EMC4: variants seen among roughly 807,000 people sequenced by gnomAD.
EMC4 encodes the protein ER membrane protein complex subunit 4, also known as cell proliferation-inducing gene 17 protein.
EMC4 carries 9 observed loss-of-function variants against 24.2 expected under a neutral mutation model. The ratio of observed to expected loss-of-function variants is 0.37; its 90% CI spans 0.22 to 0.65. The LOEUF is 0.65. Among genes scored for constraint, EMC4 ranks in the 30% least tolerant of loss-of-function variants. EMC4 has a pLI of 0.59. For synonymous variants in EMC4, 86 were observed against 81.1 expected, an observed-to-expected ratio of 1.06 and a Z score of -0.32; for missense variants, 169 against 234.6, an observed-to-expected ratio of 0.72 and a Z score of 1.83.
rs779237261 is a variant in EMC4, at chr15:34,225,549, C to T, written c.100C>T (p.Arg34Trp). The change falls in exon 2 of 5, where the codon CGG (arginine) becomes TGG (tryptophan). Residue 34 changes from arginine (R) to tryptophan (W), a missense_variant. Arg to Trp is a moderately radical substitution (Grantham distance 101, BLOSUM62 -3). Transcript: ENST00000267750. Reference protein sequence around the residue: ...PGGGSRGRSDRGSGQGDSLYP... With the variant: ...PGGGSRGRSDWGSGQGDSLYP... Reference sequence around the variant, plus strand: ...TTGGTTTTTTAGGGGTCGAAGTGACCGGGGCAGTGGCCAGGGAGACTCGCT... The same window carrying T: ...TTGGTTTTTTAGGGGTCGAAGTGACTGGGGCAGTGGCCAGGGAGACTCGCT... The T allele has an allele frequency of 5.6e-6, 9 of 1,613,848 alleles. No homozygotes were observed. Among genetic ancestry groups the T allele is most frequent in the African/African-American group, 1.3e-5 (1 of 75,002 alleles).
rs777177806 is a variant in EMC4, at chr15:34,229,732, ATTCTTTC to A, written c.517-18_517-12del. 2.6e-5 allele frequency: 36 copies of A among 1,409,044 alleles called. 1 individual carries two copies. The South Asian group carries it at 4.3e-4, about 17-fold the overall frequency. The allele number at this position is 1,409,044 out of a possible 1,614,324, so 87.3% of individuals were successfully genotyped here. A position where few individuals can be genotyped will look rare whatever the true frequency, so the allele number is the denominator to read the frequency against. On this transcript the variant is annotated splice_polypyrimidine_tract_variant and intron_variant, in intron 4 of 4. Coordinates refer to ENST00000267750, the MANE Select transcript of EMC4 (RefSeq NM_016454.4). ...ACACTCATTTGCCACTCACCTATTT[ATTCTTTC>A]TTTCTTCTTTCAGAGAATGGAGTTC...
At chr15:34,226,102 G>C (rs563398256) in intron 2 of EMC4, 9 of 317,336 alleles carry the variant, frequency 2.8e-5, no homozygotes, top group Non-Finnish European at 4.4e-5. Context: ...ATGTTTGCCA[G>C]GCTGGTCTTG....
In EMC4 at chr15:34,229,924, G is replaced by A; in HGVS notation, c.*136G>A. The A allele has an allele frequency of 2.5e-6, 2 of 799,572 alleles. No homozygotes were observed. The highest frequency in any genetic ancestry group is 4.3e-6 in the Non-Finnish European group (2 of 465,244). 49.5% of individuals were successfully genotyped at this position (799,572 alleles called of 1,614,324 possible). ...ACCAAAAGACTCTTTTCTCCATGGT[G>A]GGGTGACAGGTCCTAGAAGGACAAT... On this transcript the variant is annotated 3_prime_UTR_variant, in exon 5 of 5. Transcript: ENST00000267750.
chr15:34,225,054 G>C lies in EMC4; in HGVS notation c.-61G>C. The C allele has an allele frequency of 3.0e-6, 4 of 1,347,862 alleles. No individual in the cohort carries two copies. Among genetic ancestry groups the C allele is most frequent in the Non-Finnish European group, 4.2e-6 (4 of 960,964 alleles). 83.5% of individuals were successfully genotyped at this position (1,347,862 alleles called of 1,614,324 possible). On this transcript the variant is annotated 5_prime_UTR_variant, in exon 1 of 5. Transcript: ENST00000267750. Reference sequence around the variant, plus strand: ...GAGACAAAGCGGAGAACGCTGGTGGGCCTGTTGTGGAGTACGCTTTGGACT... The same window carrying C: ...GAGACAAAGCGGAGAACGCTGGTGGCCCTGTTGTGGAGTACGCTTTGGACT...
In EMC4 at chr15:34,229,809, G is replaced by T. The variant is rs956657172; in HGVS notation, c.*21G>T. The T allele has an allele frequency of 6.8e-6, 11 of 1,612,212 alleles. No individual in the cohort carries two copies. The Admixed American group carries it at 1.7e-4, about 24-fold the overall frequency. ...TGTGAACATGAGAAAGCAGCGCCTGGTCCCTATGTATTTGGGTCTTATTTA... is the reference window on the plus strand; with the variant it reads ...TGTGAACATGAGAAAGCAGCGCCTGTTCCCTATGTATTTGGGTCTTATTTA... On this transcript the variant is annotated 3_prime_UTR_variant, in exon 5 of 5. Transcript: ENST00000267750.
At chr15:34,226,071 T>C (rs1890643278) in intron 2 of EMC4, 1 of 349,118 alleles carries the variant, frequency 2.9e-6, no homozygotes, top group Non-Finnish European at 5.6e-6. Context: ...TTTGTATTTT[T>C]AGTACAGACA....
chr15:34,229,142 G>A (rs1890755642), intron 4 of EMC4: 1 of 152,970 alleles, frequency 6.5e-6, no homozygotes, highest in Non-Finnish European at 1.5e-5. Flanking sequence ...CCGCCCCCCA[G>A]GTTCAAGCGA....
rs1387229189 is a variant in EMC4 at position 34,225,054 on chromosome 15, G to T, written c.-61G>T. On this transcript the variant is annotated 5_prime_UTR_variant, in exon 1 of 5. Transcript: ENST00000267750. ...GAGACAAAGCGGAGAACGCTGGTGG[G>T]CCTGTTGTGGAGTACGCTTTGGACT... 9 of 1,347,746 alleles carry T rather than the reference G, an allele frequency of 6.7e-6. No individual in the cohort carries two copies. Among genetic ancestry groups the T allele is most frequent in the East Asian group, 5.0e-5 (2 of 40,052 alleles). 83.5% of individuals were successfully genotyped at this position (1,347,746 alleles called of 1,614,324 possible). A position where few individuals can be genotyped will look rare whatever the true frequency, so the allele number is the denominator to read the frequency against.
chr15:34,225,048 T>C lies in EMC4; in HGVS notation c.-67T>C, dbSNP rs534243691. 2.3e-6 allele frequency: 3 copies of C among 1,297,210 alleles called. No homozygotes were observed. Among genetic ancestry groups the C allele is most frequent in the African/African-American group, 1.5e-5 (1 of 68,252 alleles). 80.4% of individuals were successfully genotyped at this position (1,297,210 alleles called of 1,614,324 possible). The stretch of plus-strand genomic sequence containing the variant: ...CAGAGTGAGACAAAGCGGAGAACGC[T>C]GGTGGGCCTGTTGTGGAGTACGCTT... On this transcript the variant is annotated 5_prime_UTR_variant, in exon 1 of 5. Transcript: ENST00000267750.
chr15:34,227,560 G>T, intron 2 of EMC4, 133 bp from the exon 3 acceptor site: 1 of 899,014 alleles, frequency 1.1e-6, no homozygotes, highest in Non-Finnish European at 1.7e-6. Context: ...GGAAGAGGTC[G>T]TAGAATTGAG....
In EMC4 at chr15:34,225,059, T is replaced by C. The variant is rs2140590105; in HGVS notation, c.-56T>C. 4 of 1,414,602 alleles carry C rather than the reference T, an allele frequency of 2.8e-6. No homozygotes were observed. The highest frequency in any genetic ancestry group is 2.5e-5 in the East Asian group (1 of 40,366). The allele number at this position is 1,414,602 out of a possible 1,614,324, so 87.6% of individuals were successfully genotyped here. A position where few individuals can be genotyped will look rare whatever the true frequency, so the allele number is the denominator to read the frequency against. ...AAAGCGGAGAACGCTGGTGGGCCTGTTGTGGAGTACGCTTTGGACTGAGAA... is the reference window on the plus strand; with the variant it reads ...AAAGCGGAGAACGCTGGTGGGCCTGCTGTGGAGTACGCTTTGGACTGAGAA... On this transcript the variant is annotated 5_prime_UTR_variant, in exon 1 of 5. Transcript: ENST00000267750.
rs925500885 is a variant in EMC4 at position 34,229,901 on chromosome 15, C to A, written c.*113C>A. ...ACTAATCACTTATGTTAAAAAGAAC[C>A]AAAAGACTCTTTTCTCCATGGTGGG... On this transcript the variant is annotated 3_prime_UTR_variant, in exon 5 of 5. Coordinates refer to ENST00000267750, the MANE Select transcript of EMC4 (RefSeq NM_016454.4). 4.0e-6 allele frequency: 4 copies of A among 1,003,338 alleles called. No homozygotes were observed. The Admixed American group carries it at 5.7e-5, about 14-fold the overall frequency. The allele number at this position is 1,003,338 out of a possible 1,614,324, so 62.2% of individuals were successfully genotyped here. A position where few individuals can be genotyped will look rare whatever the true frequency, so the allele number is the denominator to read the frequency against.
Position 34,225,093 on chromosome 15 carries a change from G to C in EMC4, c.-22G>C. ...ACGCTTTGGACTGAGAAGCATCGAGGCTATAGGACGCAGCTGTTGCCATGA... is the reference window on the plus strand; with the variant it reads ...ACGCTTTGGACTGAGAAGCATCGAGCCTATAGGACGCAGCTGTTGCCATGA... On this transcript the variant is annotated 5_prime_UTR_variant, in exon 1 of 5. Transcript: ENST00000267750. 6.5e-7 allele frequency: 1 copy of C among 1,547,874 alleles called. No individual in the cohort carries two copies. The highest frequency in any genetic ancestry group is 8.7e-7 in the Non-Finnish European group (1 of 1,143,498).
intron 1 of EMC4, 127 bp from the exon 2 acceptor site, chr15:34,225,409 C>G: frequency 1.2e-6 from 1 of 837,724 alleles, no homozygotes; most frequent in South Asian, 1.6e-5. Flanking sequence ...GAGGAACATA[C>G]GAGGGGGCTT....
At chr15:34,228,628 T>G in intron 4 of EMC4, 39 bp downstream of exon 4, 2 of 1,570,184 alleles carry the variant, frequency 1.3e-6, no homozygotes, top group South Asian at 2.3e-5. Flanking sequence ...GTAGTTGTAG[T>G]ATACAGTGAA....
chr15:34,225,796 A>G (rs750485994), intron 2 of EMC4, 146 bp downstream of exon 2: 6 of 712,408 alleles, frequency 8.4e-6, no homozygotes, highest in Non-Finnish European at 1.5e-5. Flanking sequence ...TCGGTATTTT[A>G]TATATCAGCT....
intron 2 of EMC4, chr15:34,226,242 T>A (rs1442274017): frequency 1.2e-5 from 2 of 165,912 alleles, no homozygotes; most frequent in Non-Finnish European, 2.7e-5. Flanking sequence ...ACATTTTTTC[T>A]AGAAACTTAT....
chr15:34,228,549 C>T lies in EMC4; in HGVS notation c.476C>T (p.Thr159Ile). ...YKCQSMGLLP[T>I]HASDWLAFIE... ...TGCCAGTCCATGGGACTGTTACCTA[C>T]ACATGCATCGGATTGGTTAGCCTTC... The change falls in exon 4 of 5, where the codon ACA (threonine) becomes ATA (isoleucine). Residue 159 changes from threonine to isoleucine, a missense_variant. Physicochemically the swap from Thr to Ile is moderately conservative, Grantham distance 89. Transcript: ENST00000267750. 3.1e-6 allele frequency: 5 copies of T among 1,613,938 alleles called. No individual in the cohort carries two copies. Among genetic ancestry groups the T allele is most frequent in the Non-Finnish European group, 4.2e-6 (5 of 1,180,010 alleles).
intron 4 of EMC4, chr15:34,229,421 G>C: frequency 4.5e-6 from 1 of 220,180 alleles, no homozygotes; most frequent in East Asian, 1.3e-4. Flanking sequence ...ATGGCTCACT[G>C]CAGCCTCAAC....
Sources: allele counts gnomAD v4.1 joint callset, GRCh38; gene constraint gnomAD v4.1.1; transcripts MANE v1.5; gene names NCBI Gene and HGNC (gene_info 2026-07-23, HGNC 2026-07-21).